AFG2A: variants seen among roughly 807,000 people sequenced by gnomAD.
AFG2A encodes the protein AAA ATPase AFG2A.
At chr4:123,065,792 C>T in the AFG2A span, among the ~76,000 whole-genome samples, 1 of 151,880 alleles carries the variant, frequency 6.6e-6, no homozygotes, top group African/African-American at 2.4e-5. Context: ...AGGAGACATT[C>T]TGACCTGACA....
At chr4:122,933,936 T>C in the AFG2A span, among the ~76,000 whole-genome samples, 1 of 152,244 alleles carries the variant, frequency 6.6e-6, no homozygotes, top group East Asian at 1.9e-4. Context: ...GATGGTGTTA[T>C]AGGGGAATAT....
At chr4:123,192,226 C>G in the AFG2A span, among the ~76,000 whole-genome samples, 1 of 151,934 alleles carries the variant, frequency 6.6e-6, no homozygotes, top group Non-Finnish European at 1.5e-5. Context: ...AGGGTTTCAC[C>G]ATGTTGGCCA....
At chr4:123,175,260 G>A in the AFG2A span, among the ~76,000 whole-genome samples, 1 of 152,016 alleles carries the variant, frequency 6.6e-6, no homozygotes, top group Admixed American at 6.6e-5. Flanking sequence ...AGTGTCATAA[G>A]CAGACGAGAT....
the AFG2A span, chr4:122,923,085 T>A: frequency 1.2e-6 from 2 of 1,605,880 alleles, no homozygotes; most frequent in Non-Finnish European, 1.7e-6. Context: ...TTTCTCTCAG[T>A]TGAAGCGCGC....
the AFG2A span, among the ~76,000 whole-genome samples, chr4:123,075,230 C>T: frequency 2.0e-5 from 3 of 152,058 alleles, no homozygotes; most frequent in Admixed American, 2.0e-4. Context: ...AGGCATGAGC[C>T]ACCACGCCCA....
At chr4:123,147,821 A>C in the AFG2A span, among the ~76,000 whole-genome samples, 1 of 152,214 alleles carries the variant, frequency 6.6e-6, no homozygotes, top group Non-Finnish European at 1.5e-5. Flanking sequence ...AAAAATCATT[A>C]ATACATTTAT....
chr4:123,237,672 C>CA, the AFG2A span, among the ~76,000 whole-genome samples: 7,355 of 66,418 alleles, frequency 0.11, 377 homozygotes, highest in Non-Finnish European at 0.14. Flanking sequence ...AACCTTGTCT[C>CA]AAAAAAAAAA....
the AFG2A span, among the ~76,000 whole-genome samples, chr4:123,143,067 A>G: frequency 6.6e-6 from 1 of 152,042 alleles, no homozygotes; most frequent in African/African-American, 2.4e-5. Context: ...ACCCTAAACC[A>G]GTAAGTATGT....
chr4:123,252,464 T>A, the AFG2A span, among the ~76,000 whole-genome samples: 1,187 of 142,562 alleles, frequency 8.3e-3, 7 homozygotes, highest in Non-Finnish European at 0.013. Flanking sequence ...ATTCTTTCTC[T>A]TACATGACTT....
chr4:123,035,685 T>A, the AFG2A span, among the ~76,000 whole-genome samples: 1 of 152,112 alleles, frequency 6.6e-6, no homozygotes, highest in African/African-American at 2.4e-5. Context: ...ATATGTTATT[T>A]TTTTTGAGTT....
chr4:123,209,655 A>C, the AFG2A span, among the ~76,000 whole-genome samples: 2 of 144,094 alleles, frequency 1.4e-5, no homozygotes, highest in Non-Finnish European at 3.0e-5. Context: ...TGGTGCAATC[A>C]TAGCTCGCTG....
At chr4:123,163,468 A>G in the AFG2A span, among the ~76,000 whole-genome samples, 1 of 152,004 alleles carries the variant, frequency 6.6e-6, no homozygotes, top group African/African-American at 2.4e-5. Flanking sequence ...AAAACCCAAC[A>G]CTGCCTGTCT....
At chr4:123,057,099 GTTGACTTGTACC>G in the AFG2A span, 1 of 1,076,340 alleles carries the variant, frequency 9.3e-7, no homozygotes, top group Non-Finnish European at 1.4e-6. Flanking sequence ...GACTGGGCTT[GTTGACTTGTACC>G]TAATAGGTTT....
At chr4:123,154,969 C>T in the AFG2A span, among the ~76,000 whole-genome samples, 3 of 152,078 alleles carry the variant, frequency 2.0e-5, no homozygotes, top group African/African-American at 4.8e-5. Flanking sequence ...GCCTGCTTCC[C>T]TCTTTCCCTC....
At chr4:123,218,640 TATACATACATACATACATACATAC>T in the AFG2A span, among the ~76,000 whole-genome samples, 17 of 147,820 alleles carry the variant, frequency 1.2e-4, no homozygotes, top group African/African-American at 3.0e-4. Context: ...CATAAACACA[TATACATACATACATACATACATAC>T]ATACATACAT....
the AFG2A span, chr4:122,933,424 C>T: frequency 2.6e-5 from 42 of 1,608,886 alleles, no homozygotes; most frequent in African/African-American, 5.6e-4. Context: ...CTGTTCCCTT[C>T]TTATCCTTTT....
At chr4:123,279,669 G>C in the AFG2A span, among the ~76,000 whole-genome samples, 1 of 152,142 alleles carries the variant, frequency 6.6e-6, no homozygotes. Context: ...TACATATCAT[G>C]AACCAAAGAT....
the AFG2A span, among the ~76,000 whole-genome samples, chr4:122,946,240 G>C: frequency 6.6e-6 from 1 of 152,202 alleles, no homozygotes; most frequent in Non-Finnish European, 1.5e-5. Flanking sequence ...TAATTACAAG[G>C]GTTCTTGGTA....
chr4:123,033,658 C>T, the AFG2A span, among the ~76,000 whole-genome samples: 1 of 152,118 alleles, frequency 6.6e-6, no homozygotes, highest in East Asian at 1.9e-4. Flanking sequence ...TTAAAATTTA[C>T]CTGTTAGTAT....
Sources: gnomAD v4.1 joint callset for allele counts (sites outside exome capture counted in the v4.1 genomes callset) on GRCh38, gnomAD v4.1.1 for gene constraint, MANE v1.5 for transcripts, NCBI Gene and HGNC (gene_info 2026-07-23, HGNC 2026-07-21) for gene names.